Variants in DOCK5 observed in about 807,000 individuals in gnomAD.
DOCK5 encodes dedicator of cytokinesis 5.
Under a neutral mutation model 251.8 loss-of-function variants are expected in DOCK5, and 142 were observed. The ratio of observed to expected loss-of-function variants is 0.56; its 90% confidence interval spans 0.49 to 0.65. The LOEUF is 0.65. DOCK5 is among the 30% of genes least tolerant of loss of function. The pLI, the probability that DOCK5 is intolerant of heterozygous loss-of-function variation, is 0.00. For synonymous variants in DOCK5, 842 were observed against 835.5 expected (o/e 1.01, Z -0.13); for missense variants, 2,111 against 2,312.3 (o/e 0.91, Z 1.79).
chr8:25,372,767 CT>C (rs1457961339), intron 35 of DOCK5, 49 bp downstream of exon 35: 1 of 1,559,836 alleles, frequency 6.4e-7, no homozygotes, highest in Admixed American at 2.0e-5. Context: ...CAGGCCGCCC[CT>C]GCACCCTACA....
intron 1 of DOCK5, among the ~76,000 whole-genome samples, chr8:25,235,187 C>A (rs1004300657): frequency 6.6e-6 from 1 of 152,184 alleles, no homozygotes; most frequent in Non-Finnish European, 1.5e-5. Flanking sequence ...TGGGAAAAAA[C>A]TCCTATGATT....
At chr8:25,363,968 C>A (rs893742460) in intron 29 of DOCK5, among the ~76,000 whole-genome samples, 4 of 152,178 alleles carry the variant, frequency 2.6e-5, no homozygotes, top group Non-Finnish European at 4.4e-5. Flanking sequence ...TTTTCAGATT[C>A]TATGTTGGGT....
intron 18 of DOCK5, among the ~76,000 whole-genome samples, chr8:25,330,032 G>A (rs192225583): frequency 2.1e-4 from 32 of 152,292 alleles, no homozygotes; most frequent in Admixed American, 3.9e-4. Flanking sequence ...CCTCTGGGCT[G>A]ATAGATGGGT....
intron 48 of DOCK5, among the ~76,000 whole-genome samples, chr8:25,405,132 A>G (rs1338732112): frequency 6.6e-6 from 1 of 151,826 alleles, no homozygotes; most frequent in Non-Finnish European, 1.5e-5. Context: ...TTTGACTTCT[A>G]ATTTGTTGCT....
chr8:25,298,914 G>T lies in DOCK5; in HGVS notation c.607-30G>T, dbSNP rs199951166. On this transcript the variant is annotated intron_variant, in intron 7 of 51. Coordinates refer to ENST00000276440, the MANE Select transcript of DOCK5 (RefSeq NM_024940.8). Reference sequence around the variant, plus strand: ...AACATTTCCCATTTGCCAAAATCAAGATGTTTTTCTCTGTTCCCTCTTTGT... The same window carrying T: ...AACATTTCCCATTTGCCAAAATCAATATGTTTTTCTCTGTTCCCTCTTTGT... 5.5e-5 allele frequency: 85 copies of T among 1,555,292 alleles called. 1 individual carries two copies. Among genetic ancestry groups the T allele is most frequent in the Middle Eastern group, 1.7e-4 (1 of 5,816 alleles).
intron 1 of DOCK5, among the ~76,000 whole-genome samples, chr8:25,238,063 T>G (rs1320785855): frequency 6.6e-6 from 1 of 152,248 alleles, no homozygotes; most frequent in Non-Finnish European, 1.5e-5. Flanking sequence ...TTAGCTGTAC[T>G]CTCATTCTTG....
chr8:25,206,816 G>A (rs566279646), intron 1 of DOCK5, among the ~76,000 whole-genome samples: 1 of 152,352 alleles, frequency 6.6e-6, no homozygotes, highest in South Asian at 2.1e-4. Flanking sequence ...TGCCACAGGG[G>A]CAAAAGCTAA....
At chr8:25,279,085 A>G (rs141652473) in intron 5 of DOCK5, among the ~76,000 whole-genome samples, 12 of 152,246 alleles carry the variant, frequency 7.9e-5, no homozygotes, top group Non-Finnish European at 1.6e-4. Context: ...ACTGAAATTT[A>G]TCGATATTTC....
intron 2 of DOCK5, among the ~76,000 whole-genome samples, chr8:25,254,886 G>C (rs1205756304): frequency 3.3e-5 from 5 of 151,480 alleles, no homozygotes; most frequent in African/African-American, 4.9e-5. Flanking sequence ...TTAAAACATG[G>C]GCAAAGACCT....
rs1805698664 is a variant in DOCK5, at chr8:25,332,234, G to C, written c.1904-17G>C. ...TTGTTCTCACCTGTATCTAATGTTTGTGGTTGTTCTTCCTAGTTGACCTGT... is the reference window on the plus strand; with the variant it reads ...TTGTTCTCACCTGTATCTAATGTTTCTGGTTGTTCTTCCTAGTTGACCTGT... On this transcript the variant is annotated splice_polypyrimidine_tract_variant and intron_variant, in intron 18 of 51. Coordinates refer to ENST00000276440, the MANE Select transcript of DOCK5 (RefSeq NM_024940.8). The C allele has an allele frequency of 1.3e-6, 2 of 1,599,194 alleles. No homozygotes were observed. The highest frequency in any genetic ancestry group is 4.5e-5 in the East Asian group (2 of 44,698).
At chr8:25,386,557 C>T (rs965114871) in intron 40 of DOCK5, among the ~76,000 whole-genome samples, 6 of 152,142 alleles carry the variant, frequency 3.9e-5, no homozygotes, top group Non-Finnish European at 7.3e-5. Flanking sequence ...GTGATCAAGC[C>T]ACTGCACTCC....
intron 40 of DOCK5, among the ~76,000 whole-genome samples, chr8:25,384,226 C>G (rs745893377): frequency 2.6e-5 from 4 of 152,136 alleles, no homozygotes; most frequent in Non-Finnish European, 5.9e-5. Flanking sequence ...CTTGCCTAGG[C>G]AACGCTTCCT....
chr8:25,291,445 G>A (rs953708438), intron 5 of DOCK5, among the ~76,000 whole-genome samples: 1 of 152,164 alleles, frequency 6.6e-6, no homozygotes, highest in Non-Finnish European at 1.5e-5. Flanking sequence ...CACTTTGGGA[G>A]GCCAAGGCGG....
chr8:25,309,410 T>C (rs1805030615), intron 12 of DOCK5, among the ~76,000 whole-genome samples: 1 of 152,094 alleles, frequency 6.6e-6, no homozygotes, highest in Non-Finnish European at 1.5e-5. Flanking sequence ...TCTCAACTTC[T>C]GGCCTTAAGT....
At chr8:25,256,409 C>T (rs1348784087) in intron 2 of DOCK5, among the ~76,000 whole-genome samples, 7 of 151,990 alleles carry the variant, frequency 4.6e-5, no homozygotes, top group African/African-American at 9.7e-5. Flanking sequence ...GAGGCTGAGG[C>T]GGGTGGATCA....
intron 44 of DOCK5, among the ~76,000 whole-genome samples, chr8:25,393,245 T>C (rs554568275): frequency 3.0e-4 from 46 of 152,296 alleles, no homozygotes; most frequent in Middle Eastern, 3.4e-3. Context: ...GCTAATCATA[T>C]CCACAGTTAC....
At chr8:25,379,057 A>G (rs1340337880) in intron 38 of DOCK5, among the ~76,000 whole-genome samples, 3 of 152,230 alleles carry the variant, frequency 2.0e-5, no homozygotes, top group Non-Finnish European at 4.4e-5. Flanking sequence ...AGCAAAGATC[A>G]CATGCTTCTG....
intron 14 of DOCK5, among the ~76,000 whole-genome samples, chr8:25,319,135 G>A (rs1199646061): frequency 2.0e-5 from 3 of 152,154 alleles, no homozygotes; most frequent in Non-Finnish European, 2.9e-5. Flanking sequence ...CCTGAGTTGA[G>A]TGAATATGCT....
chr8:25,226,885 C>T (rs573766884), intron 1 of DOCK5, among the ~76,000 whole-genome samples: 160 of 152,206 alleles, frequency 1.1e-3, no homozygotes, highest in African/African-American at 3.8e-3. Context: ...GCACCCGGCT[C>T]CTCCATGTTT....
Sources: gnomAD v4.1 joint callset for allele counts (sites outside exome capture counted in the v4.1 genomes callset) on GRCh38, gnomAD v4.1.1 for gene constraint, MANE v1.5 for transcripts, NCBI Gene and HGNC (gene_info 2026-07-23, HGNC 2026-07-21) for gene names.